The following PATJ variants were observed in gnomAD, a reference collection of about 807,000 sequenced individuals.
PATJ encodes inaD-like protein.
PATJ carries 190 observed loss-of-function variants against 224.9 expected under a neutral mutation model. The observed-to-expected ratio is 0.84, with a 90% confidence interval of 0.75 to 0.95. The LOEUF (loss-of-function observed/expected upper bound fraction) is 0.95. PATJ is among the 40% of genes least tolerant of loss of function. The pLI is 0.00. For missense variants in PATJ, 2,121 were observed against 2,270.3 expected (o/e 0.93, Z 1.34); for synonymous variants, 769 against 820.3 (o/e 0.94, Z 1.07).
chr1:61,766,517 C>T (rs1179689132), intron 4 of PATJ, 44 bp downstream of exon 4: 1 of 1,390,910 alleles, frequency 7.2e-7, no homozygotes, highest in Non-Finnish European at 9.9e-7. Context: ...TTCATTTCTC[C>T]TGTTTTAGTT....
In PATJ at chr1:62,122,507, A is replaced by G. The variant is rs371182918; in HGVS notation, c.5006-514A>G. ...AATGGTTATGGCCACATTGATCTCA[A>G]ACAGAGAGCACTTCTTTAAAATAGA... On this transcript the variant is annotated intron_variant, in intron 38 of 43. Transcript: ENST00000642238. Among the ~76,000 whole-genome samples, 380 of 151,238 alleles carry G rather than the reference A, an allele frequency of 2.5e-3. 6 individuals carry two copies. Among genetic ancestry groups the G allele is most frequent in the African/African-American group, 8.5e-3 (352 of 41,210 alleles).
chr1:61,853,500 A>G (rs1406131287), intron 17 of PATJ, among the ~76,000 whole-genome samples: 2 of 152,224 alleles, frequency 1.3e-5, no homozygotes, highest in Admixed American at 6.5e-5. Context: ...TGGGCAGTTC[A>G]TGAGAGGAAT....
At chr1:61,743,662 G>GT (rs1433771124) in intron 1 of PATJ, among the ~76,000 whole-genome samples, 1 of 152,146 alleles carries the variant, frequency 6.6e-6, no homozygotes, top group Non-Finnish European at 1.5e-5. Context: ...AGGGGCAGCG[G>GT]TTAAAAACTT....
intron 32 of PATJ, among the ~76,000 whole-genome samples, chr1:62,080,022 T>C (rs1447698921): frequency 5.3e-5 from 8 of 150,130 alleles, no homozygotes; most frequent in Admixed American, 5.3e-4. Context: ...AGTGAGACTC[T>C]GTCTCAAAAA....
At chr1:62,033,372 G>A (rs7515090) in intron 29 of PATJ, among the ~76,000 whole-genome samples, 92,754 of 151,936 alleles carry the variant, frequency 0.61, 29,088 homozygotes, top group African/African-American at 0.75. Flanking sequence ...TCTTAAAAAA[G>A]GATCCATACA....
intron 28 of PATJ, among the ~76,000 whole-genome samples, chr1:62,017,448 G>A (rs1308243607): frequency 6.6e-6 from 1 of 151,504 alleles, no homozygotes; most frequent in East Asian, 1.9e-4. Context: ...TTAGGGCCAG[G>A]TGTGGTGGCT....
Position 62,095,105 on chromosome 1 carries a change from G to A in PATJ, c.4377+10457G>A, listed in dbSNP as rs140125160. On this transcript the variant is annotated intron_variant, in intron 33 of 43. Coordinates refer to ENST00000642238, the MANE Select transcript of PATJ (RefSeq NM_001350145.3). ...CTGGCAGGCAAAACAACATCAGCTC[G>A]GCAAACACTGTGTATCTTCAAAGGC... Among the ~76,000 whole-genome samples the A allele has an allele frequency of 4.6e-5, 7 of 152,208 alleles. No individual in the cohort carries two copies. The East Asian group carries it at 9.7e-4, about 21-fold the overall frequency.
At chr1:61,956,681 A>G (rs1392764073) in intron 27 of PATJ, among the ~76,000 whole-genome samples, 1 of 152,212 alleles carries the variant, frequency 6.6e-6, no homozygotes, top group Non-Finnish European at 1.5e-5. Flanking sequence ...TAATAACAAA[A>G]TTACATTGGT....
rs543924382 is a variant in PATJ at position 61,993,833 on chromosome 1, C to T, written c.3867+3469C>T. On this transcript the variant is annotated intron_variant, in intron 28 of 43. Transcript: ENST00000642238. Reference sequence around the variant, plus strand: ...CAGACTTCCACTCCCTTAGAAACTTCCGGTATCTGTTTGCTAAGCTAGAGT... The same window carrying T: ...CAGACTTCCACTCCCTTAGAAACTTTCGGTATCTGTTTGCTAAGCTAGAGT... 2.0e-5 allele frequency among the ~76,000 whole-genome samples: 3 copies of T among 152,266 alleles called. No homozygotes were observed. In the South Asian group the frequency reaches 6.2e-4, roughly 32 times the overall value.
intron 17 of PATJ, among the ~76,000 whole-genome samples, chr1:61,851,305 G>A (rs1424741562): frequency 6.6e-6 from 1 of 152,160 alleles, no homozygotes; most frequent in Non-Finnish European, 1.5e-5. Context: ...ATATCACAGA[G>A]TAGGAAGTGC....
chr1:61,752,062 C>T (rs1194862055), intron 1 of PATJ, among the ~76,000 whole-genome samples: 3 of 146,526 alleles, frequency 2.0e-5, no homozygotes, highest in East Asian at 4.2e-4. Flanking sequence ...CGCCTGAACC[C>T]GGGAGGCAGA....
rs770492795 is a variant in PATJ at position 62,108,518 on chromosome 1, G to A, written c.4459G>A (p.Glu1487Lys). 3 of 1,593,128 alleles carry A rather than the reference G, an allele frequency of 1.9e-6. No homozygotes were observed. The highest frequency in any genetic ancestry group is 2.2e-5 in the East Asian group (1 of 44,710). The change falls in exon 34 of 44, where the codon GAG becomes AAG. Residue 1487 changes from glutamate (E) to lysine (K), a missense_variant and splice_region_variant. Coordinates refer to ENST00000642238, the MANE Select transcript of PATJ (RefSeq NM_001350145.3). Reference protein sequence around the residue: ...GRLWAGDQILEVNGVDLRNSS... With the variant: ...GRLWAGDQILKVNGVDLRNSS... ...ACTTTGGGCTGGTGACCAGATATTA[G>A]AGGTATATGGTTTTGAATTTTATTT... is the stretch of plus-strand genomic sequence containing the variant.
intron 27 of PATJ, among the ~76,000 whole-genome samples, chr1:61,948,052 A>G (rs1416152388): frequency 6.6e-6 from 1 of 152,258 alleles, no homozygotes; most frequent in Non-Finnish European, 1.5e-5. Flanking sequence ...CACCTTGTAC[A>G]AAAATTAATT....
At chr1:62,027,352 A>G (rs971891834) in intron 29 of PATJ, among the ~76,000 whole-genome samples, 3 of 152,180 alleles carry the variant, frequency 2.0e-5, no homozygotes, top group Non-Finnish European at 2.9e-5. Context: ...ATGTTTGTTT[A>G]TCCACGCATC....
chr1:61,839,315 T>G (rs1438364997), intron 17 of PATJ, among the ~76,000 whole-genome samples: 1 of 152,172 alleles, frequency 6.6e-6, no homozygotes, highest in African/African-American at 2.4e-5. Context: ...GATAGTATTC[T>G]CATTTTTCAT....
chr1:61,860,825 T>C (rs1312767872), intron 18 of PATJ, among the ~76,000 whole-genome samples: 1 of 148,946 alleles, frequency 6.7e-6, no homozygotes, highest in Non-Finnish European at 1.5e-5. Context: ...AGACTCTCTG[T>C]CTCAATTTAA....
intron 27 of PATJ, among the ~76,000 whole-genome samples, chr1:61,931,134 G>T (rs1379806157): frequency 1.3e-5 from 2 of 152,154 alleles, no homozygotes; most frequent in East Asian, 1.9e-4. Flanking sequence ...CTAGTCTAAA[G>T]CATGTTAAGA....
intron 1 of PATJ, among the ~76,000 whole-genome samples, chr1:61,744,321 C>G (rs1484947420): frequency 8.8e-6 from 1 of 113,942 alleles, no homozygotes; most frequent in Non-Finnish European, 1.9e-5. Flanking sequence ...AAAAGATTAT[C>G]TTATCTTATC....
chr1:61,846,759 G>A (rs1344665566), intron 17 of PATJ, among the ~76,000 whole-genome samples: 4 of 152,114 alleles, frequency 2.6e-5, no homozygotes, highest in African/African-American at 9.7e-5. Context: ...ACCAAGCCTG[G>A]CTAACGTTTT....
Sources: allele counts gnomAD v4.1 joint callset (sites outside exome capture counted in the v4.1 genomes callset), GRCh38; gene constraint gnomAD v4.1.1; transcripts MANE v1.5; gene names NCBI Gene and HGNC (gene_info 2026-07-23, HGNC 2026-07-21).